ARHGAP19: variants seen among roughly 807,000 people sequenced by gnomAD.
ARHGAP19 encodes rho GTPase-activating protein 19.
ARHGAP19 carries 48 observed loss-of-function variants against 60.9 expected under a neutral mutation model. That is an observed-to-expected ratio of 0.79 (90% CI 0.62 to 1.00). ARHGAP19 has a LOEUF of 1.00. Ranked by LOEUF, ARHGAP19 falls within the 50% of genes least tolerant of loss-of-function variation. The pLI, the probability that ARHGAP19 is intolerant of heterozygous loss-of-function variation, is 0.00. For missense variants in ARHGAP19, 562 were observed against 597.2 expected (o/e 0.94, Z 0.61); for synonymous variants, 209 against 215.5 (o/e 0.97, Z 0.27).
chr10:97,288,408 C>T (rs1238543842), intron 1 of ARHGAP19, among the ~76,000 whole-genome samples: 1 of 151,880 alleles, frequency 6.6e-6, no homozygotes, highest in East Asian at 1.9e-4. Context: ...GGTGAAACCC[C>T]GTCTCTACTA....
rs1223041710 is a variant in ARHGAP19, at chr10:97,292,567, C to T, written c.56+5G>A. 1 of 1,614,198 alleles carries T rather than the reference C, an allele frequency of 6.2e-7. No individual in the cohort carries two copies. The highest frequency in any genetic ancestry group is 8.5e-7 in the Non-Finnish European group (1 of 1,180,036). On this transcript the variant is annotated splice_donor_5th_base_variant and intron_variant, in intron 1 of 11. Coordinates refer to ENST00000358531, the MANE Select transcript of ARHGAP19 (RefSeq NM_032900.6). ...TCCCAGGAAACTGGACCAAACTCAGCTCACCTCCGGCCGGATTCGCGGGCT... is the reference window on the plus strand; with the variant it reads ...TCCCAGGAAACTGGACCAAACTCAGTTCACCTCCGGCCGGATTCGCGGGCT...
At position 97,224,462 on chromosome 10, in the gene ARHGAP19, T is replaced by C. The variant is rs1480590042; in HGVS notation, c.*1660A>G. On this transcript the variant is annotated 3_prime_UTR_variant, in exon 12 of 12. Coordinates refer to ENST00000358531, the MANE Select transcript of ARHGAP19 (RefSeq NM_032900.6). ...GCAGTTTTGTTTTCCTAACCATCTA[T>C]TGTTCACACTGCATTAAGCTGGAAG... 3 of 152,234 alleles carry C rather than the reference T, an allele frequency of 2.0e-5. No homozygotes were observed. Among genetic ancestry groups the C allele is most frequent in the Admixed American group, 1.3e-4 (2 of 15,294 alleles). The allele number at this position is 152,234 out of a possible 1,614,324, so 9.4% of individuals were successfully genotyped here.
At chr10:97,283,195 T>C (rs564612076) in intron 1 of ARHGAP19, among the ~76,000 whole-genome samples, 3 of 152,220 alleles carry the variant, frequency 2.0e-5, no homozygotes, top group African/African-American at 7.2e-5. Flanking sequence ...CGGGTAACAG[T>C]AGCAAAACAT....
At chr10:97,252,579 G>A (rs370335698) in intron 6 of ARHGAP19, among the ~76,000 whole-genome samples, 21 of 150,498 alleles carry the variant, frequency 1.4e-4, no homozygotes, top group Admixed American at 7.3e-4. Flanking sequence ...AGCTGAGATC[G>A]CGCCACTGCA....
intron 1 of ARHGAP19, among the ~76,000 whole-genome samples, chr10:97,274,482 T>C (rs1842999668): frequency 2.0e-5 from 3 of 151,040 alleles, no homozygotes; most frequent in Admixed American, 2.0e-4. Context: ...AAAAAAGAGT[T>C]CCTGAAGTGC....
chr10:97,272,131 C>CTTTTTTTTTTTTTTTTTTTTT (rs35980234), intron 1 of ARHGAP19, among the ~76,000 whole-genome samples: 7 of 85,632 alleles, frequency 8.2e-5, no homozygotes, highest in Admixed American at 1.7e-4. Flanking sequence ...GGAAATATGT[C>CTTTTTTTTTTTTTTTTTTTTT]TTTTTTTTTT....
intron 5 of ARHGAP19, 66 bp downstream of exon 5, chr10:97,259,336 A>G: frequency 2.4e-6 from 3 of 1,231,980 alleles, no homozygotes; most frequent in Non-Finnish European, 3.6e-6. Flanking sequence ...TCACCAATGT[A>G]CAGCCATAGA....
chr10:97,258,073 T>C (rs1363513337), intron 5 of ARHGAP19, among the ~76,000 whole-genome samples: 1 of 152,208 alleles, frequency 6.6e-6, no homozygotes, highest in African/African-American at 2.4e-5. Flanking sequence ...TTGTTATAGA[T>C]TATTTTGATT....
chr10:97,290,997 G>A (rs937183833), intron 1 of ARHGAP19, among the ~76,000 whole-genome samples: 1 of 152,116 alleles, frequency 6.6e-6, no homozygotes, highest in East Asian at 1.9e-4. Flanking sequence ...AGCCTAGCTG[G>A]GAATGTGACC....
In ARHGAP19 at chr10:97,263,634, T is replaced by G. The variant is rs1332862904; in HGVS notation, c.404-5A>C. 6.2e-7 allele frequency: 1 copy of G among 1,613,960 alleles called. No individual in the cohort carries two copies. Among genetic ancestry groups the G allele is most frequent in the South Asian group, 1.1e-5 (1 of 91,078 alleles). ...ACAAACCCTCTACTCGCAAGTCTGT[T>G]TAGCATAAAACAAAGCAGAGGACAG... is the stretch of plus-strand genomic sequence containing the variant. On this transcript the variant is annotated splice_polypyrimidine_tract_variant and splice_region_variant and intron_variant, in intron 3 of 11. Transcript: ENST00000358531.
At chr10:97,271,972 T>C (rs1183470445) in intron 1 of ARHGAP19, among the ~76,000 whole-genome samples, 1 of 152,058 alleles carries the variant, frequency 6.6e-6, no homozygotes, top group Non-Finnish European at 1.5e-5. Flanking sequence ...TTTGTTATGA[T>C]GTATTATCAT....
intron 2 of ARHGAP19, among the ~76,000 whole-genome samples, chr10:97,265,151 A>G (rs139758952): frequency 7.9e-5 from 12 of 152,296 alleles, no homozygotes; most frequent in African/African-American, 2.9e-4. Flanking sequence ...TTATTCAAGT[A>G]AGAAGCATAT....
At chr10:97,263,705 G>C in intron 3 of ARHGAP19, 76 bp from the exon 4 acceptor site, 1 of 1,444,442 alleles carries the variant, frequency 6.9e-7, no homozygotes, top group Non-Finnish European at 9.7e-7. Flanking sequence ...ATGGTCTAAA[G>C]ACTACTTTAC....
At chr10:97,281,506 GC>G (rs1843085567) in intron 1 of ARHGAP19, among the ~76,000 whole-genome samples, 1 of 152,142 alleles carries the variant, frequency 6.6e-6, no homozygotes, top group South Asian at 2.1e-4. Flanking sequence ...AAGGTGAATT[GC>G]TTTTCTGAGA....
At position 97,226,144 on chromosome 10, in the gene ARHGAP19, G is replaced by T; in HGVS notation, c.1475-12C>A. ...CCTTCAGAGAAATCCTAGGTTGAAG[G>T]AAAAACAAGAGCGTTAGACATGTTC... On this transcript the variant is annotated splice_polypyrimidine_tract_variant and intron_variant, in intron 11 of 11. Transcript: ENST00000358531. The T allele has an allele frequency of 6.2e-7, 1 of 1,613,560 alleles. No individual in the cohort carries two copies.
Position 97,259,400 on chromosome 10 carries a change from A to C in ARHGAP19, c.840+2T>G. 6.2e-7 allele frequency: 1 copy of C among 1,611,118 alleles called. No homozygotes were observed. The highest frequency in any genetic ancestry group is 8.5e-7 in the Non-Finnish European group (1 of 1,177,230). ...ATCTTTACTCTTCCCGTCAACACTCACATTTTTTGGCCACAGGACATGGGG... is the reference window on the plus strand; with the variant it reads ...ATCTTTACTCTTCCCGTCAACACTCCCATTTTTTGGCCACAGGACATGGGG... On this transcript the variant is annotated splice_donor_variant, in intron 5 of 11. Coordinates refer to ENST00000358531, the MANE Select transcript of ARHGAP19 (RefSeq NM_032900.6). LOFTEE classifies it high-confidence loss of function.
intron 6 of ARHGAP19, among the ~76,000 whole-genome samples, chr10:97,250,181 A>AT (rs2048697987): frequency 6.6e-6 from 1 of 152,100 alleles, no homozygotes; most frequent in Non-Finnish European, 1.5e-5. Context: ...ACTTTTAGTG[A>AT]TTCAGCCAAA....
intron 1 of ARHGAP19, among the ~76,000 whole-genome samples, chr10:97,285,575 A>G (rs1222010217): frequency 7.4e-6 from 1 of 134,976 alleles, no homozygotes; most frequent in Non-Finnish European, 1.5e-5. Flanking sequence ...AGGCTGGAGT[A>G]TAGTGGCACA....
Position 97,259,517 on chromosome 10 carries a change from A to C in ARHGAP19, c.725T>G (p.Leu242Trp), listed in dbSNP as rs756512166. ...FLILPPPNRN[L>W]LKLLLDLLYQ... ...TAGGAGATCAAGCAATAACTTCAGCAAATTACGATTAGGAGGAGGGAGAAT... is the reference window on the plus strand; with the variant it reads ...TAGGAGATCAAGCAATAACTTCAGCCAATTACGATTAGGAGGAGGGAGAAT... The change falls in exon 5 of 12, where the codon TTG (leucine) becomes TGG (tryptophan). Residue 242 changes from leucine (L) to tryptophan (W), a missense_variant. Transcript: ENST00000358531. 6.2e-7 allele frequency: 1 copy of C among 1,614,188 alleles called. No homozygotes were observed. The highest frequency in any genetic ancestry group is 1.1e-5 in the South Asian group (1 of 91,086).
Sources: gnomAD v4.1 joint callset for allele counts (sites outside exome capture counted in the v4.1 genomes callset) on GRCh38, gnomAD v4.1.1 for gene constraint, MANE v1.5 for transcripts, NCBI Gene and HGNC (gene_info 2026-07-23, HGNC 2026-07-21) for gene names.